Variants in DST observed in about 807,000 individuals in gnomAD.
The protein encoded by DST is bullous pemphigoid antigen.
DST carries 253 observed loss-of-function variants against 875.2 expected under a neutral mutation model. That is an observed-to-expected ratio of 0.29 (90% CI 0.26 to 0.32). DST has a LOEUF of 0.32. DST is among the 10% of genes least tolerant of loss of function. The pLI, the probability that DST is intolerant of heterozygous loss-of-function variation, is 1.00. For missense variants in DST, 8,287 were observed against 9,111.6 expected (o/e 0.91, Z 3.68); for synonymous variants, 3,124 against 3,197.1 (o/e 0.98, Z 0.77).
chr6:56,817,817 T>C (rs2099768353), intron 4 of DST, among the ~76,000 whole-genome samples: 1 of 152,108 alleles, frequency 6.6e-6, no homozygotes, highest in Non-Finnish European at 1.5e-5. Context: ...GATGTGCACA[T>C]CCTAATCTCA....
At position 56,615,892 on chromosome 6, in the gene DST, T is replaced by C. The variant is rs748140672; in HGVS notation, c.4930-1408A>G. On this transcript the variant is annotated intron_variant, in intron 36 of 103. Transcript: ENST00000680361. ...TGTTAGTGATGGGATGGCCAATCCC[T>C]GTGATTACTAATTCACACTGTCGCA... 2.5e-6 allele frequency: 4 copies of C among 1,614,226 alleles called. No homozygotes were observed. In the South Asian group the frequency reaches 3.3e-5, roughly 13 times the overall value.
At chr6:56,489,384 C>T in intron 86 of DST, 106 bp downstream of exon 86, 1 of 1,186,072 alleles carries the variant, frequency 8.4e-7, no homozygotes, top group Non-Finnish European at 1.1e-6. Flanking sequence ...CACACTGGAC[C>T]TACATTTTTT....
chr6:56,791,752 C>T (rs1372053885), intron 4 of DST, among the ~76,000 whole-genome samples: 1 of 146,510 alleles, frequency 6.8e-6, no homozygotes, highest in Admixed American at 6.9e-5. Context: ...CACACCACTA[C>T]ACTGCAGTTT....
chr6:56,593,950 C>T lies in DST; in HGVS notation c.12439G>A (p.Glu4147Lys). 1.9e-6 allele frequency: 3 copies of T among 1,613,816 alleles called. No homozygotes were observed. The highest frequency in any genetic ancestry group is 2.5e-6 in the Non-Finnish European group (3 of 1,179,830). The change falls in exon 48 of 104, where the codon GAG (glutamate) becomes AAG (lysine). Residue 4147 changes from glutamate to lysine, a missense_variant. Transcript: ENST00000680361. ...TGTTCTGACTGCTGTAGCCAGTGCT[C>T]AAACTCGGTATAGTCAGCATCAAAC... ...EKFDADYTEFEHWLQQSEQEL... is the reference protein window; with the variant it reads ...EKFDADYTEFKHWLQQSEQEL...
intron 4 of DST, among the ~76,000 whole-genome samples, chr6:56,765,484 A>G (rs2099631188): frequency 6.6e-6 from 1 of 152,244 alleles, no homozygotes; most frequent in South Asian, 2.1e-4. Flanking sequence ...ACCATAGTAG[A>G]AATAATGCAC....
intron 85 of DST, among the ~76,000 whole-genome samples, chr6:56,490,979 T>C (rs990984801): frequency 5.3e-5 from 8 of 152,152 alleles, no homozygotes; most frequent in Admixed American, 2.6e-4. Flanking sequence ...TGGCTACTGA[T>C]ATCCAAGAAA....
In DST at chr6:56,954,632, G is replaced by T; in HGVS notation, c.-45C>A. 1 of 1,259,298 alleles carries T rather than the reference G, an allele frequency of 7.9e-7. No homozygotes were observed. The highest frequency in any genetic ancestry group is 1.0e-6 in the Non-Finnish European group (1 of 969,156). The allele number at this position is 1,259,298 out of a possible 1,614,324, so 78.0% of individuals were successfully genotyped here. On this transcript the variant is annotated 5_prime_UTR_variant, in exon 1 of 104. Coordinates refer to ENST00000680361, the MANE Select transcript of DST (RefSeq NM_001374736.1). ...CGACTCGACGGCGGGGCTGGAGGGC[G>T]GCGGCACAGGCACCCGCGCTGGGCG...
rs2097971521 is a variant in DST, at chr6:56,580,922, C to G, written c.12904-1985G>C. ...TAATTTTTTTGTATTTTTTGTAGAG[C>G]CAGGGTTTTGCCACATTGCACAGGC... On this transcript the variant is annotated intron_variant, in intron 49 of 103. Transcript: ENST00000680361. Among the ~76,000 whole-genome samples the G allele has an allele frequency of 2.0e-5, 3 of 150,166 alleles. No homozygotes were observed. In the South Asian group the frequency reaches 6.3e-4, roughly 32 times the overall value.
intron 4 of DST, among the ~76,000 whole-genome samples, chr6:56,784,724 T>G (rs1434237972): frequency 6.6e-6 from 1 of 152,238 alleles, no homozygotes; most frequent in Non-Finnish European, 1.5e-5. Context: ...TTCTCTCAAC[T>G]CGTCAAAGTC....
chr6:56,849,160 CAG>C (rs1407565836), intron 4 of DST, among the ~76,000 whole-genome samples: 7 of 101,820 alleles, frequency 6.9e-5, no homozygotes, highest in Non-Finnish European at 1.8e-5. Context: ...TTTTTTGAGA[CAG>C]AGTCTTGCTC....
chr6:56,618,788 T>G, intron 36 of DST: 1 of 1,614,184 alleles, frequency 6.2e-7, no homozygotes, highest in Non-Finnish European at 8.5e-7. Context: ...CTCTGCTGAT[T>G]GTTTGAATTT....
chr6:56,904,479 T>C (rs1413009536), intron 2 of DST, among the ~76,000 whole-genome samples: 2 of 152,180 alleles, frequency 1.3e-5, no homozygotes, highest in African/African-American at 4.8e-5. Context: ...ATAATCCACA[T>C]TACGTACTCA....
intron 47 of DST, among the ~76,000 whole-genome samples, chr6:56,596,750 C>T (rs569315505): frequency 4.0e-4 from 61 of 152,098 alleles, no homozygotes; most frequent in African/African-American, 1.3e-3. Flanking sequence ...GTCCAGAAAC[C>T]GTCTGTCAAA....
chr6:56,602,655 G>A (rs1404395045), intron 43 of DST, among the ~76,000 whole-genome samples: 3 of 151,824 alleles, frequency 2.0e-5, no homozygotes, highest in Non-Finnish European at 4.4e-5. Flanking sequence ...ATCTCAACAT[G>A]TCAGTGGTGT....
At chr6:56,944,573 A>C (rs1282060222) in intron 2 of DST, among the ~76,000 whole-genome samples, 1 of 152,214 alleles carries the variant, frequency 6.6e-6, no homozygotes, top group Admixed American at 6.5e-5. Flanking sequence ...AATAATCCTA[A>C]AAGATCATGG....
intron 5 of DST, among the ~76,000 whole-genome samples, chr6:56,734,878 TGA>T (rs1452991183): frequency 1.3e-5 from 2 of 152,228 alleles, no homozygotes; most frequent in African/African-American, 2.4e-5. Context: ...GTTTGAATCT[TGA>T]GAGAGAAAAA....
chr6:56,947,176 G>A (rs545920733), intron 2 of DST, among the ~76,000 whole-genome samples: 2 of 151,706 alleles, frequency 1.3e-5, no homozygotes, highest in Non-Finnish European at 2.9e-5. Flanking sequence ...CTCCCTGGGT[G>A]AAAGAAGAGT....
chr6:56,528,955 G>A (rs1562577471), intron 66 of DST, 30 bp from the exon 67 acceptor site: 2 of 1,396,978 alleles, frequency 1.4e-6, no homozygotes, highest in Non-Finnish European at 2.0e-6. Flanking sequence ...TTTTATGTGG[G>A]GGGAAAAACA....
intron 3 of DST, among the ~76,000 whole-genome samples, chr6:56,862,816 T>C (rs1771958889): frequency 6.6e-6 from 1 of 152,086 alleles, no homozygotes; most frequent in African/African-American, 2.4e-5. Flanking sequence ...CTGAGGCTGC[T>C]AGGGTAAGAA....
Sources: allele counts gnomAD v4.1 joint callset (sites outside exome capture counted in the v4.1 genomes callset), GRCh38; gene constraint gnomAD v4.1.1; transcripts MANE v1.5; gene names NCBI Gene and HGNC (gene_info 2026-07-23, HGNC 2026-07-21).